The following COX16 variants were observed in gnomAD, a reference collection of about 807,000 sequenced individuals.
The protein encoded by COX16 is cytochrome c oxidase assembly protein COX16 homolog, mitochondrial.
In COX16, 12 loss-of-function variants were observed where a neutral mutation model predicts 15.4. That is an observed-to-expected ratio of 0.78 (90% CI 0.50 to 1.26). The LOEUF is 1.26. COX16 is among the 50% of genes most tolerant of loss of function. The pLI is 0.00. For synonymous variants in COX16, 46 were observed against 41.1 expected (o/e 1.12, Z -0.46); for missense variants, 124 against 127.6 (o/e 0.97, Z 0.14).
chr14:70,345,774 C>T (rs1272124563), intron 1 of COX16, among the ~76,000 whole-genome samples: 1 of 152,140 alleles, frequency 6.6e-6, no homozygotes, highest in Non-Finnish European at 1.5e-5. Context: ...CCTTCCCCTC[C>T]ATTCTCACCG....
chr14:70,359,180 G>A, intron 1 of COX16: 1 of 477,356 alleles, frequency 2.1e-6, no homozygotes, highest in Admixed American at 2.3e-5. Flanking sequence ...GGCTTAAAGT[G>A]TGGTTCTGAC....
intron 2 of COX16, among the ~76,000 whole-genome samples, chr14:70,341,461 T>C (rs907568752): frequency 6.6e-6 from 1 of 152,114 alleles, no homozygotes; most frequent in Non-Finnish European, 1.5e-5. Context: ...ACTACAAATA[T>C]CAGATATGTG....
chr14:70,354,726 T>C lies in COX16; in HGVS notation c.69+4793A>G, dbSNP rs540581842. 5.9e-5 allele frequency among the ~76,000 whole-genome samples: 9 copies of C among 152,302 alleles called. No homozygotes were observed. In the East Asian group the frequency reaches 1.7e-3, roughly 29 times the overall value. On this transcript the variant is annotated intron_variant, in intron 1 of 3. Transcript: ENST00000389912. ...ATAAGTATAGTATTCTCCTGAGTTC[T>C]ATGAGTAGTTCTACTAAATTATTGA...
rs1412612130 is a variant in COX16, at chr14:70,326,246, TTCCACTTGATAGAAG to T, written c.*72_*86del. ...AGTTTCCATGGGCCTGGAATTTCCT[TTCCACTTGATAGAAG>T]TATATATTAGGAAGTCCAGTTAATA... is the stretch of plus-strand genomic sequence containing the variant. On this transcript the variant is annotated 3_prime_UTR_variant, in exon 4 of 4. Transcript: ENST00000389912. 8.9e-7 allele frequency: 1 copy of T among 1,117,596 alleles called. No individual in the cohort carries two copies. Among genetic ancestry groups the T allele is most frequent in the East Asian group, 3.1e-5 (1 of 32,040 alleles). The allele number at this position is 1,117,596 out of a possible 1,614,324, so 69.2% of individuals were successfully genotyped here. A position where few individuals can be genotyped will look rare whatever the true frequency, so the allele number is the denominator to read the frequency against.
intron 1 of COX16, among the ~76,000 whole-genome samples, chr14:70,352,718 T>C (rs1263171447): frequency 7.1e-6 from 1 of 141,268 alleles, no homozygotes; most frequent in East Asian, 2.1e-4. Context: ...CGATCTCGGC[T>C]CACTGCAACC....
intron 2 of COX16, among the ~76,000 whole-genome samples, chr14:70,338,998 G>A (rs1299521266): frequency 1.3e-5 from 2 of 152,148 alleles, no homozygotes; most frequent in Non-Finnish European, 2.9e-5. Flanking sequence ...TTTCAGTGAT[G>A]TCTGAATCAT....
At chr14:70,330,637 G>GA (rs1886253561) in intron 2 of COX16, among the ~76,000 whole-genome samples, 1 of 152,204 alleles carries the variant, frequency 6.6e-6, no homozygotes, top group African/African-American at 2.4e-5. Flanking sequence ...ATTTATTCCA[G>GA]AAAGGCGAAG....
intron 3 of COX16, chr14:70,328,072 A>ATTTGTTTTTTTTTTTTTT (rs1886142974): frequency 1.2e-5 from 1 of 80,840 alleles, no homozygotes. Context: ...TGAGAATAAG[A>ATTTGTTTTTTTTTTTTTT]TTTTTTTTTT....
intron 1 of COX16, among the ~76,000 whole-genome samples, chr14:70,350,914 T>C (rs945866619): frequency 6.6e-6 from 1 of 152,240 alleles, no homozygotes; most frequent in African/African-American, 2.4e-5. Flanking sequence ...AGCAGCTAAC[T>C]GAAAACTTCT....
chr14:70,337,189 A>T (rs1161660866), intron 2 of COX16, among the ~76,000 whole-genome samples: 2 of 152,182 alleles, frequency 1.3e-5, no homozygotes, highest in African/African-American at 4.8e-5. Context: ...GAAGTATACC[A>T]CTAGGTTGAA....
chr14:70,340,253 C>T (rs553798098), intron 2 of COX16, among the ~76,000 whole-genome samples: 12 of 152,262 alleles, frequency 7.9e-5, no homozygotes, highest in African/African-American at 2.4e-4. Context: ...TCTCTCCTGC[C>T]GCCATGTGAA....
chr14:70,343,223 C>T (rs1306024515), intron 1 of COX16, among the ~76,000 whole-genome samples: 2 of 152,124 alleles, frequency 1.3e-5, no homozygotes, highest in African/African-American at 4.8e-5. Flanking sequence ...AGACCATGTC[C>T]AAATAAGGCA....
At chr14:70,350,299 G>A (rs1449116262) in intron 1 of COX16, among the ~76,000 whole-genome samples, 2 of 152,158 alleles carry the variant, frequency 1.3e-5, no homozygotes, top group Non-Finnish European at 2.9e-5. Flanking sequence ...AATTACGTCA[G>A]ACTAGGACAC....
chr14:70,336,291 G>A (rs558242364), intron 2 of COX16, among the ~76,000 whole-genome samples: 7 of 152,086 alleles, frequency 4.6e-5, no homozygotes, highest in South Asian at 2.1e-4. Context: ...ACAAAAAAGC[G>A]CAGTAGTGTT....
At chr14:70,327,019 CCT>C (rs1308132308) in intron 3 of COX16, among the ~76,000 whole-genome samples, 1 of 152,136 alleles carries the variant, frequency 6.6e-6, no homozygotes, top group East Asian at 1.9e-4. Context: ...GTCTGAAGTA[CCT>C]CTCAAGCACA....
Position 70,342,658 on chromosome 14 carries a change from T to C in COX16, c.141A>G (p.Lys47=). The change falls in exon 2 of 4, where the codon AAA becomes AAG. Residue 47 remains lysine (K), a splice_region_variant and synonymous_variant. Coordinates refer to ENST00000389912, the MANE Select transcript of COX16 (RefSeq NM_016468.7). ...SQIRYDAVKS[K]MDPELEKKLK... is the part of the protein sequence containing the mutation. ...GTCAAACTCTAATTATATTTCTTACTTTACTCTTCACAGCATCATATCGGA... is the reference window on the plus strand; with the variant it reads ...GTCAAACTCTAATTATATTTCTTACCTTACTCTTCACAGCATCATATCGGA... The C allele has an allele frequency of 1.9e-6, 3 of 1,610,042 alleles. No individual in the cohort carries two copies. In the South Asian group the frequency reaches 3.4e-5, roughly 18 times the overall value.
chr14:70,346,801 TC>T (rs1886797603), intron 1 of COX16, among the ~76,000 whole-genome samples: 1 of 151,958 alleles, frequency 6.6e-6, no homozygotes, highest in Non-Finnish European at 1.5e-5. Context: ...GAGCCACCCC[TC>T]CACTTTTCTG....
intron 1 of COX16, among the ~76,000 whole-genome samples, chr14:70,349,877 T>C (rs1159448544): frequency 6.6e-6 from 1 of 152,194 alleles, no homozygotes; most frequent in Admixed American, 6.5e-5. Context: ...CGCCTTGTCC[T>C]CTCAACATAA....
At chr14:70,338,530 G>A (rs1250603902) in intron 2 of COX16, among the ~76,000 whole-genome samples, 3 of 152,110 alleles carry the variant, frequency 2.0e-5, no homozygotes, top group African/African-American at 7.2e-5. Flanking sequence ...CACGATCCTT[G>A]GTAAAATTTA....
Sources: gnomAD v4.1 joint callset for allele counts (sites outside exome capture counted in the v4.1 genomes callset) on GRCh38, gnomAD v4.1.1 for gene constraint, MANE v1.5 for transcripts, NCBI Gene and HGNC (gene_info 2026-07-23, HGNC 2026-07-21) for gene names.